The following SP100 variants were observed in gnomAD, a reference collection of about 807,000 sequenced individuals.
The protein encoded by SP100 is nuclear autoantigen Sp-100.
Under a neutral mutation model 130.0 loss-of-function variants are expected in SP100, and 84 were observed. The ratio of observed to expected loss-of-function variants is 0.65; its 90% CI spans 0.54 to 0.77. The LOEUF (loss-of-function observed/expected upper bound fraction) is 0.77. Among genes scored for constraint, SP100 ranks in the 30% least tolerant of loss-of-function variants. The pLI is 0.00. For synonymous variants in SP100, 331 were observed against 351.7 expected (o/e 0.94, Z 0.66); for missense variants, 978 against 1,052.2 (o/e 0.93, Z 0.97).
At chr2:230,440,210 C>G (rs1334852868) in intron 2 of SP100, among the ~76,000 whole-genome samples, 1 of 151,970 alleles carries the variant, frequency 6.6e-6, no homozygotes, top group African/African-American at 2.4e-5. Flanking sequence ...TGGAAAGAAA[C>G]AGTAAGTCAG....
intron 15 of SP100, 34 bp from the exon 16 acceptor site, chr2:230,473,290 G>A (rs751371342): frequency 2.1e-6 from 3 of 1,455,628 alleles, no homozygotes; most frequent in Non-Finnish European, 2.9e-6. Flanking sequence ...AGGGGAGTGG[G>A]CACAAATAAA....
chr2:230,475,340 T>C (rs1280967670), intron 17 of SP100, among the ~76,000 whole-genome samples: 4 of 152,214 alleles, frequency 2.6e-5, no homozygotes, highest in Admixed American at 2.6e-4. Flanking sequence ...ATGTCTTCTT[T>C]TGAGAAGTGT....
intron 17 of SP100, among the ~76,000 whole-genome samples, chr2:230,492,461 T>A (rs1559517747): frequency 2.0e-5 from 3 of 152,104 alleles, no homozygotes; most frequent in Non-Finnish European, 4.4e-5. Context: ...TGCACCAACA[T>A]AGCTTGCTAA....
chr2:230,541,504 A>G (rs934243943), intron 27 of SP100, 132 bp downstream of exon 27: 18 of 746,276 alleles, frequency 2.4e-5, no homozygotes, highest in African/African-American at 1.1e-4. Context: ...GAAATTTATC[A>G]TAGATTAGGT....
chr2:230,500,853 A>G (rs2066981640), intron 19 of SP100, among the ~76,000 whole-genome samples: 1 of 152,142 alleles, frequency 6.6e-6, no homozygotes, highest in South Asian at 2.1e-4. Flanking sequence ...ATCGATCTAG[A>G]GCAATTTTAC....
At chr2:230,477,124 C>T (rs746475209) in intron 17 of SP100, among the ~76,000 whole-genome samples, 2 of 152,166 alleles carry the variant, frequency 1.3e-5, no homozygotes, top group African/African-American at 2.4e-5. Flanking sequence ...CTCGGCCTCC[C>T]AAAGTGCTGG....
At chr2:230,493,923 C>T (rs1382835596) in intron 17 of SP100, 1 of 160,574 alleles carries the variant, frequency 6.2e-6, no homozygotes, top group Admixed American at 6.5e-5. Flanking sequence ...TACATGGCAC[C>T]ACTCCAGGCT....
intron 24 of SP100, among the ~76,000 whole-genome samples, chr2:230,511,815 G>A (rs1690609433): frequency 1.3e-5 from 2 of 152,160 alleles, no homozygotes; most frequent in Admixed American, 1.3e-4. Context: ...GCTCAATGAT[G>A]TACAAACCTG....
At chr2:230,457,947 T>C (rs1459869101) in intron 8 of SP100, among the ~76,000 whole-genome samples, 1 of 152,228 alleles carries the variant, frequency 6.6e-6, no homozygotes, top group African/African-American at 2.4e-5. Flanking sequence ...TCACAGCCTC[T>C]GGCTGCTTTT....
intron 24 of SP100, among the ~76,000 whole-genome samples, chr2:230,528,636 G>A (rs1691548335): frequency 1.3e-5 from 2 of 152,148 alleles, no homozygotes; most frequent in South Asian, 4.1e-4. Context: ...AATGAATCCA[G>A]GAGCTTGTTT....
chr2:230,494,501 T>A, intron 18 of SP100, 41 bp downstream of exon 18: 1 of 1,493,462 alleles, frequency 6.7e-7, no homozygotes, highest in East Asian at 2.3e-5. Context: ...GAACTCGCTG[T>A]GGTCCTGTTC....
At chr2:230,531,951 T>A (rs963030486) in intron 24 of SP100, among the ~76,000 whole-genome samples, 8 of 152,064 alleles carry the variant, frequency 5.3e-5, no homozygotes, top group Admixed American at 4.6e-4. Context: ...GTATTTGCTG[T>A]TTGTTCTCCT....
At chr2:230,435,163 C>T (rs1024672570) in intron 2 of SP100, among the ~76,000 whole-genome samples, 9 of 152,286 alleles carry the variant, frequency 5.9e-5, no homozygotes, top group Non-Finnish European at 1.2e-4. Flanking sequence ...AATCTTCTCC[C>T]TCGTGACATA....
chr2:230,423,165 C>A (rs766162017), intron 2 of SP100, among the ~76,000 whole-genome samples: 5 of 152,264 alleles, frequency 3.3e-5, no homozygotes, highest in Non-Finnish European at 7.4e-5. Context: ...ATTAGTGAAG[C>A]TCTGGAAGTA....
At position 230,470,060 on chromosome 2, in the gene SP100, T is replaced by C; in HGVS notation, c.1391T>C (p.Leu464Pro). 6.2e-7 allele frequency: 1 copy of C among 1,612,280 alleles called. No homozygotes were observed. The highest frequency in any genetic ancestry group is 8.5e-7 in the Non-Finnish European group (1 of 1,179,058). The change falls in exon 15 of 29, where the codon CTT becomes CCT. Residue 464 changes from leucine (L) to proline (P), a missense_variant. Coordinates refer to ENST00000340126, the MANE Select transcript of SP100 (RefSeq NM_001080391.2). ...DFSDLSNGEELQETCSSSLRR... is the reference protein window; with the variant it reads ...DFSDLSNGEEPQETCSSSLRR... ...TCAGACCTGAGTAATGGAGAAGAGC[T>C]TCAGGAAACCTGCAGCTCATCCCTA...
chr2:230,446,906 A>T lies in SP100; in HGVS notation c.523+4A>T. 6.3e-7 allele frequency: 1 copy of T among 1,576,298 alleles called. No individual in the cohort carries two copies. Among genetic ancestry groups the T allele is most frequent in the East Asian group, 2.3e-5 (1 of 44,364 alleles). ...CTCCAACTAAGTCTTGAACAAGGTA[A>T]AAATGACAGAATAAAAGCTTTTTTC... On this transcript the variant is annotated splice_donor_region_variant and intron_variant, in intron 5 of 28. Transcript: ENST00000340126.
chr2:230,516,871 G>A (rs1268680850), intron 24 of SP100, among the ~76,000 whole-genome samples: 2 of 152,096 alleles, frequency 1.3e-5, no homozygotes, highest in South Asian at 2.1e-4. Flanking sequence ...CCAGAATCAC[G>A]ACTGATAGTG....
chr2:230,452,983 A>T (rs2064085319), intron 8 of SP100, among the ~76,000 whole-genome samples: 1 of 152,134 alleles, frequency 6.6e-6, no homozygotes, highest in South Asian at 2.1e-4. Flanking sequence ...AACATGTTGA[A>T]TAGAAGTGAG....
chr2:230,473,327 C>A lies in SP100; in HGVS notation c.1433C>A (p.Ser478Ter), dbSNP rs908568039. 6.2e-7 allele frequency: 1 copy of A among 1,609,168 alleles called. No homozygotes were observed. The highest frequency in any genetic ancestry group is 1.3e-5 in the African/African-American group (1 of 74,914). The change falls in exon 16 of 29, where the codon TCA (serine) becomes TAA (stop). Residue 478 changes from serine (S) to a stop codon, truncating the protein, a stop_gained. Transcript: ENST00000340126. LOFTEE classifies it high-confidence loss of function. The stretch of plus-strand genomic sequence containing the variant: ...ATGTTTACAAATCACAATTTAGGAT[C>A]ACAGCCACAAGAACCTGAAAATAAG... ...CSSSLRRGSG[S>*]QPQEPENKKC...
Sources: allele counts gnomAD v4.1 joint callset (sites outside exome capture counted in the v4.1 genomes callset), GRCh38; gene constraint gnomAD v4.1.1; transcripts MANE v1.5; gene names NCBI Gene and HGNC (gene_info 2026-07-23, HGNC 2026-07-21).